SYTL5: variants seen among roughly 807,000 people sequenced by gnomAD.
The protein encoded by SYTL5 is synaptotagmin-like protein 5.
In SYTL5, 34 loss-of-function variants were observed where a neutral mutation model predicts 55.9. That is an observed-to-expected ratio of 0.61 (90% CI 0.46 to 0.81). SYTL5 has a LOEUF of 0.81. Among genes scored for constraint, SYTL5 ranks in the 30% least tolerant of loss-of-function variants. The probability of loss-of-function intolerance (pLI) is 0.00; values close to 1 mark genes in which losing one functional copy is unlikely to be tolerated. For missense variants in SYTL5, 637 were observed against 546.7 expected, an observed-to-expected ratio of 1.17 and a Z score of -1.65; for synonymous variants, 221 against 188.7, an observed-to-expected ratio of 1.17 and a Z score of -1.40.
At chrX:37,967,094 C>T in the SYTL5 span, among the ~76,000 whole-genome samples, 1 of 111,588 alleles carries the variant, frequency 9.0e-6, no homozygotes, top group East Asian at 2.8e-4. Context: ...CTCTGTCGCC[C>T]AGGCTGGAGT....
the SYTL5 span, among the ~76,000 whole-genome samples, chrX:37,930,676 T>C: frequency 8.9e-6 from 1 of 112,314 alleles, no homozygotes; most frequent in South Asian, 3.7e-4. Flanking sequence ...TCGCACAAAA[T>C]GCTCAGCTCC....
At chrX:38,109,848 T>G (rs1937315067) in intron 12 of SYTL5, among the ~76,000 whole-genome samples, 1 of 111,436 alleles carries the variant, frequency 9.0e-6, no homozygotes, top group South Asian at 3.8e-4. Flanking sequence ...CCTCTGCACT[T>G]AGGCTGGACT....
chrX:37,982,063 G>A, the SYTL5 span, among the ~76,000 whole-genome samples: 1 of 111,961 alleles, frequency 8.9e-6, no homozygotes, highest in Non-Finnish European at 1.9e-5. Context: ...AAAAAAGCAG[G>A]CAACAGAAGC....
intron 3 of SYTL5, among the ~76,000 whole-genome samples, chrX:38,069,318 G>C (rs923931928): frequency 8.9e-6 from 1 of 112,262 alleles, no homozygotes; most frequent in African/African-American, 3.2e-5. Flanking sequence ...AGTTTGACTC[G>C]TTTCTCTACT....
At chrX:38,010,047 C>T (rs187987941) in intron 1 of SYTL5, among the ~76,000 whole-genome samples, 1 of 112,117 alleles carries the variant, frequency 8.9e-6, no homozygotes, top group East Asian at 2.8e-4. Flanking sequence ...AGTCAGATGA[C>T]CTGAGTTTGA....
At chrX:37,959,915 A>G in the SYTL5 span, among the ~76,000 whole-genome samples, 1 of 111,738 alleles carries the variant, frequency 8.9e-6, no homozygotes, top group Non-Finnish European at 1.9e-5. Context: ...ATGTTCCCAC[A>G]GCTCTTACAT....
chrX:37,981,197 T>C, the SYTL5 span, among the ~76,000 whole-genome samples: 1 of 112,366 alleles, frequency 8.9e-6, no homozygotes, highest in African/African-American at 3.2e-5. Flanking sequence ...TGAGAGTAGA[T>C]TGCTAAATTA....
the SYTL5 span, among the ~76,000 whole-genome samples, chrX:37,919,438 T>C: frequency 1.8e-5 from 2 of 111,777 alleles, no homozygotes; most frequent in African/African-American, 3.3e-5. Context: ...AGGGAGAATA[T>C]AAAGGAAGAA....
the SYTL5 span, chrX:37,906,626 C>G: frequency 2.7e-5 from 3 of 112,216 alleles, no homozygotes; most frequent in Non-Finnish European, 5.6e-5. Flanking sequence ...GCAGTTGTTG[C>G]ATATCTATCT....
the SYTL5 span, among the ~76,000 whole-genome samples, chrX:37,991,942 A>G: frequency 8.9e-6 from 1 of 112,380 alleles, no homozygotes; most frequent in Non-Finnish European, 1.9e-5. Context: ...GACACTGGTA[A>G]AATAAATCAA....
chrX:38,079,019 A>G (rs908396929), intron 6 of SYTL5, among the ~76,000 whole-genome samples: 1 of 112,182 alleles, frequency 8.9e-6, no homozygotes, highest in Non-Finnish European at 1.9e-5. Context: ...TTGAACGTGC[A>G]TTTATCACAG....
Position 38,102,406 on chromosome X carries a change from C to T in SYTL5, c.1127C>T (p.Thr376Ile). ...ALVSSQLSTN[T>I]HRLASGLSTT... is the part of the protein sequence containing the mutation. Reference sequence around the variant, plus strand: ...GTGTCCTCGCAGTTATCTACAAACACTCACCGTCTGGCAAGTGGCCTATCA... The same window carrying T: ...GTGTCCTCGCAGTTATCTACAAACATTCACCGTCTGGCAAGTGGCCTATCA... Residue 376 changes from threonine to isoleucine, a missense_variant, in exon 10 of 17, where the codon ACT becomes ATT. Transcript: ENST00000297875. The T allele has an allele frequency of 8.3e-7, 1 of 1,207,573 alleles. No individual in the cohort carries two copies. The highest frequency in any genetic ancestry group is 1.1e-6 in the Non-Finnish European group (1 of 891,877).
chrX:37,892,565 T>A, the SYTL5 span, among the ~76,000 whole-genome samples: 1 of 97,011 alleles, frequency 1.0e-5, no homozygotes. Flanking sequence ...ATACATATAT[T>A]GTATATACGT....
chrX:37,974,758 TAATG>T, the SYTL5 span, among the ~76,000 whole-genome samples: 1 of 112,389 alleles, frequency 8.9e-6, no homozygotes, highest in Non-Finnish European at 1.9e-5. Flanking sequence ...GTTTCAAGAC[TAATG>T]AATCCAGATA....
intron 9 of SYTL5, among the ~76,000 whole-genome samples, 156 bp downstream of exon 9, chrX:38,096,390 C>T (rs1936937945): frequency 9.0e-6 from 1 of 111,169 alleles, no homozygotes; most frequent in Non-Finnish European, 1.9e-5. Flanking sequence ...CACATAAAAA[C>T]CGAAAGAATA....
chrX:38,005,591 C>G (rs891234591), upstream of SYTL5, among the ~76,000 whole-genome samples: 7 of 110,788 alleles, frequency 6.3e-5, no homozygotes, highest in African/African-American at 2.3e-4. Context: ...AAATTAATAA[C>G]ACACTAGATG....
At chrX:38,064,162 G>C (rs1462813736) in intron 3 of SYTL5, among the ~76,000 whole-genome samples, 1 of 110,778 alleles carries the variant, frequency 9.0e-6, no homozygotes, top group Non-Finnish European at 1.9e-5. Context: ...TGTGACCTCT[G>C]CCAAAAATGC....
intron 1 of SYTL5, among the ~76,000 whole-genome samples, chrX:38,031,112 C>G (rs1289074052): frequency 9.0e-6 from 1 of 111,132 alleles, no homozygotes; most frequent in Non-Finnish European, 1.9e-5. Context: ...CATTATAGAA[C>G]AACACAGAAA....
At chrX:37,961,527 G>A in the SYTL5 span, among the ~76,000 whole-genome samples, 8 of 111,395 alleles carry the variant, frequency 7.2e-5, no homozygotes, top group South Asian at 3.8e-4. Flanking sequence ...TCTATTTAGC[G>A]TATAGCAAAC....
Sources: allele counts gnomAD v4.1 joint callset (sites outside exome capture counted in the v4.1 genomes callset), GRCh38; gene constraint gnomAD v4.1.1; transcripts MANE v1.5; gene names NCBI Gene and HGNC (gene_info 2026-07-23, HGNC 2026-07-21).